The following PPCS variants were observed in gnomAD, a reference collection of about 807,000 sequenced individuals.
PPCS encodes the protein phosphopantothenoylcysteine synthetase, also known as phosphopantothenate--cysteine ligase.
PPCS carries 17 observed loss-of-function variants against 24.6 expected under a neutral mutation model. That is an observed-to-expected ratio of 0.69 (90% CI 0.47 to 1.04). The LOEUF (loss-of-function observed/expected upper bound fraction) is 1.04. PPCS is among the 50% of genes least tolerant of loss of function. The probability of loss-of-function intolerance (pLI) is 0.00; values close to 1 mark genes in which losing one functional copy is unlikely to be tolerated. For synonymous variants in PPCS, 190 were observed against 168.3 expected (o/e 1.13, Z -1.00); for missense variants, 360 against 402.8 (o/e 0.89, Z 0.91).
At chr1:42,465,661 G>A (rs1643555212), downstream of PPCS, among the ~76,000 whole-genome samples, 3 of 152,138 alleles carry the variant, frequency 2.0e-5, no homozygotes, top group Non-Finnish European at 4.4e-5. Flanking sequence ...CACGGTACCC[G>A]ACCTCTAGCA....
At position 42,459,155 on chromosome 1, in the gene PPCS, CTT is replaced by C. The variant is rs11316113; in HGVS notation, c.613-426_613-425del. 8.1e-4 allele frequency: 75 copies of C among 92,732 alleles called. 1 individual carries two copies. Among genetic ancestry groups the C allele is most frequent in the East Asian group, 3.0e-3 (9 of 3,024 alleles). The allele number at this position is 92,732 out of a possible 1,614,324, so 5.7% of individuals were successfully genotyped here. A position where few individuals can be genotyped will look rare whatever the true frequency, so the allele number is the denominator to read the frequency against. On this transcript the variant is annotated intron_variant, in intron 2 of 2. Coordinates refer to ENST00000372561, the MANE Select transcript of PPCS (RefSeq NM_024664.4). ...CGCTGTGAACTCTACAGAGCCAAGG[CTT>C]TTTTTTTTTTTTTTTTTTTTTGTGA...
chr1:42,469,277 G>A (rs927477123), intron 2 of PPCS, among the ~76,000 whole-genome samples: 1 of 152,218 alleles, frequency 6.6e-6, no homozygotes, highest in Non-Finnish European at 1.5e-5. Flanking sequence ...AGCTCCTCAT[G>A]AGGCTGAGTC....
downstream of PPCS, among the ~76,000 whole-genome samples, chr1:42,464,658 C>A (rs1452037725): frequency 1.3e-5 from 2 of 152,322 alleles, no homozygotes; most frequent in South Asian, 2.1e-4. Context: ...TAATTTAGAT[C>A]CAGTGCAATT....
intron 2 of PPCS, among the ~76,000 whole-genome samples, chr1:42,469,964 T>C (rs1411149423): frequency 6.6e-6 from 1 of 152,204 alleles, no homozygotes; most frequent in Non-Finnish European, 1.5e-5. Context: ...CATGAATTTG[T>C]AATGGTTCAG....
chr1:42,464,301 CA>C (rs1643498917), downstream of PPCS: 1 of 152,152 alleles, frequency 6.6e-6, no homozygotes, highest in South Asian at 2.1e-4. Context: ...GGACCCATTT[CA>C]GGCTTACATA....
downstream of PPCS, among the ~76,000 whole-genome samples, chr1:42,464,499 T>A (rs112421980): frequency 6.6e-6 from 1 of 152,232 alleles, no homozygotes; most frequent in Admixed American, 6.5e-5. Flanking sequence ...TCTTTTCCTG[T>A]CAATTTCTGA....
At chr1:42,471,630 A>T (rs1016868689) in intron 2 of PPCS, among the ~76,000 whole-genome samples, 1 of 152,174 alleles carries the variant, frequency 6.6e-6, no homozygotes, top group African/African-American at 2.4e-5. Flanking sequence ...TATGATGCTC[A>T]AAGACCTTGT....
In PPCS at chr1:42,459,638, T is replaced by C. The variant is rs532524326; in HGVS notation, c.648T>C (p.Pro216=). Reference sequence around the variant, plus strand: ...AGATGGTGCCAAAACTGCTTTCTCCTTTGGTTAAAGATTGGGCTCCCAAAG... The same window carrying C: ...AGATGGTGCCAAAACTGCTTTCTCCCTTGGTTAAAGATTGGGCTCCCAAAG... ...TMKMVPKLLS[P]LVKDWAPKAF... Residue 216 remains proline (P), a synonymous_variant, in exon 3 of 3, where the codon CCT becomes CCC. Transcript: ENST00000372561. The C allele has an allele frequency of 6.2e-7, 1 of 1,614,070 alleles. No individual in the cohort carries two copies. Among genetic ancestry groups the C allele is most frequent in the East Asian group, 2.2e-5 (1 of 44,884 alleles).
upstream of PPCS, chr1:42,456,363 C>G (rs112759046): frequency 3.2e-5 from 21 of 647,026 alleles, 1 homozygote; most frequent in African/African-American, 3.1e-4. Context: ...AGCCGGGGAT[C>G]CCCCTCGTTG....
downstream of PPCS, among the ~76,000 whole-genome samples, chr1:42,463,159 G>A (rs527293635): frequency 5.9e-5 from 9 of 152,302 alleles, no homozygotes; most frequent in South Asian, 1.7e-3. Context: ...CCCCCGACCC[G>A]AAGGCCAATG....
downstream of PPCS, among the ~76,000 whole-genome samples, chr1:42,465,458 G>A (rs1280318390): frequency 3.9e-5 from 6 of 152,080 alleles, no homozygotes; most frequent in African/African-American, 1.4e-4. Flanking sequence ...TCCGCCTCCC[G>A]GGTTCAAGTG....
chr1:42,463,739 A>C (rs921759097), downstream of PPCS: 1 of 152,112 alleles, frequency 6.6e-6, no homozygotes, highest in South Asian at 2.1e-4. Flanking sequence ...GGTCCAGGCC[A>C]CTACGAAGTC....
Position 42,456,629 on chromosome 1 carries a change from G to C in PPCS, c.64G>C (p.Val22Leu), listed in dbSNP as rs569793059. 6.3e-7 allele frequency: 1 copy of C among 1,575,334 alleles called. No homozygotes were observed. The highest frequency in any genetic ancestry group is 2.3e-5 in the East Asian group (1 of 44,304). The change falls in exon 1 of 3, where the codon GTT becomes CTT. Residue 22 changes from valine (V) to leucine (L), a missense_variant. Val to Leu is a conservative substitution (Grantham distance 32, BLOSUM62 1). This residue lies in a region of PPCS where 244 missense variants were observed against 234.7 expected (regional missense o/e 1.04). Transcript: ENST00000372561. Reference protein sequence around the residue: ...QPPGAARWAEVMARFAARLGA... With the variant: ...QPPGAARWAELMARFAARLGA... ...TCCCGGTGCTGCGCGCTGGGCTGAG[G>C]TTATGGCTCGCTTCGCGGCCAGGCT...
intron 2 of PPCS, chr1:42,459,335 G>T: frequency 2.5e-6 from 1 of 394,572 alleles, no homozygotes. Flanking sequence ...GCTAATTTTT[G>T]TATTTTTTTG....
chr1:42,457,262 T>A lies in PPCS; in HGVS notation c.524T>A (p.Phe175Tyr). Residue 175 changes from phenylalanine (F) to tyrosine (Y), a missense_variant, in exon 2 of 3, where the codon TTT (phenylalanine) becomes TAT (tyrosine). Physicochemically the swap from Phe to Tyr is conservative, Grantham distance 22. Coordinates refer to ENST00000372561, the MANE Select transcript of PPCS (RefSeq NM_024664.4). ...ALNPLGPSAMFYLAAAVSDFY... is the reference protein window; with the variant it reads ...ALNPLGPSAMYYLAAAVSDFY... ...CTCTTTGCAGGCCCTTCTGCGATGTTTTACCTGGCTGCGGCTGTGTCAGAT... is the reference window on the plus strand; with the variant it reads ...CTCTTTGCAGGCCCTTCTGCGATGTATTACCTGGCTGCGGCTGTGTCAGAT... 1 of 1,614,088 alleles carries A rather than the reference T, an allele frequency of 6.2e-7. No homozygotes were observed. The highest frequency in any genetic ancestry group is 8.5e-7 in the Non-Finnish European group (1 of 1,180,020).
Position 42,470,144 on chromosome 1 carries a change from G to A in PPCS, n.378-2978G>A, listed in dbSNP as rs150228479. Among the ~76,000 whole-genome samples the A allele has an allele frequency of 5.3e-5, 8 of 152,318 alleles. No homozygotes were observed. The East Asian group carries it at 1.4e-3, about 26-fold the overall frequency. On this transcript the variant is annotated intron_variant and non_coding_transcript_variant, in intron 2 of 2. Coordinates refer to the PPCS transcript ENST00000471420. ...AAGGATTGAAATGATCAACAGTTGG[G>A]TTTAGGCTTGAGGGGCAAACAAGTG... is the stretch of plus-strand genomic sequence containing the variant.
intron 2 of PPCS, chr1:42,467,637 A>G (rs1193905268): frequency 1.3e-5 from 2 of 152,228 alleles, no homozygotes; most frequent in African/African-American, 4.8e-5. Flanking sequence ...GACTCATTTT[A>G]TATTGCCCTC....
chr1:42,456,869 C>A lies in PPCS; in HGVS notation c.304C>A (p.Leu102Met). ...CCACCGCTTCCCACCCCAGACTTGGCTGTCCGCTCTGCGGCCTTCGGGCCC... is the reference window on the plus strand; with the variant it reads ...CCACCGCTTCCCACCCCAGACTTGGATGTCCGCTCTGCGGCCTTCGGGCCC... ...YAHRFPPQTW[L>M]SALRPSGPAL... Residue 102 changes from leucine to methionine, a missense_variant, in exon 1 of 3, where the codon CTG (leucine) becomes ATG (methionine). By Grantham distance (15) the Leu-to-Met change is conservative. This residue lies in a region of PPCS where 244 missense variants were observed against 234.7 expected (regional missense o/e 1.04). Coordinates refer to ENST00000372561, the MANE Select transcript of PPCS (RefSeq NM_024664.4). 6.2e-7 allele frequency: 1 copy of A among 1,613,348 alleles called. No individual in the cohort carries two copies. The highest frequency in any genetic ancestry group is 8.5e-7 in the Non-Finnish European group (1 of 1,180,046).
At position 42,459,786 on chromosome 1, in the gene PPCS, T is replaced by C. The variant is rs916564907; in HGVS notation, c.796T>C (p.Phe266Leu). The C allele has an allele frequency of 3.1e-6, 5 of 1,614,094 alleles. No individual in the cohort carries two copies. In the African/African-American group the frequency reaches 6.7e-5, roughly 22 times the overall value. The change falls in exon 3 of 3, where the codon TTT becomes CTT. Residue 266 changes from phenylalanine to leucine, a missense_variant. Around this residue, in one of 2 missense-constraint regions of PPCS, gnomAD observed 116 missense variants for 168.1 expected, o/e 0.69. Transcript: ENST00000372561. ...TAATATCCTTGAGTCACGACAGTCC[T>C]TTGTGTTTATTGTAACCAAAGACTC... The part of the protein sequence containing the change: ...VANILESRQS[F>L]VFIVTKDSET...
Sources: gnomAD v4.1 joint callset for allele counts (sites outside exome capture counted in the v4.1 genomes callset) on GRCh38, gnomAD v4.1.1 for gene constraint, gnomAD v4.1.1 regional missense constraint, MANE v1.5 for transcripts, NCBI Gene and HGNC (gene_info 2026-07-23, HGNC 2026-07-21) for gene names.